Variants in ATP13A3 observed in about 807,000 individuals in gnomAD.
The protein encoded by ATP13A3 is polyamine-transporting ATPase 13A3.
Under a neutral mutation model 158.1 loss-of-function variants are expected in ATP13A3, and 59 were observed. That is an observed-to-expected ratio of 0.37 (90% CI 0.30 to 0.46). The LOEUF is 0.46. Among genes scored for constraint, ATP13A3 ranks in the 20% least tolerant of loss-of-function variants. ATP13A3 has a pLI of 1.00. For synonymous variants in ATP13A3, 491 were observed against 504.3 expected (o/e 0.97, Z 0.35); for missense variants, 1,166 against 1,525.2 (o/e 0.76, Z 3.92).
At chr3:194,460,041 T>C (rs1719534349) in intron 4 of ATP13A3, 70 bp from the exon 5 acceptor site, 2 of 1,266,716 alleles carry the variant, frequency 1.6e-6, no homozygotes, top group Non-Finnish European at 2.2e-6. Context: ...TCATTTATTT[T>C]CCATTCTTTA....
At chr3:194,419,745 C>G in intron 31 of ATP13A3, 134 bp downstream of exon 31, 4 of 1,360,278 alleles carry the variant, frequency 2.9e-6, no homozygotes, top group Non-Finnish European at 3.8e-6. Context: ...TCATTAGGTT[C>G]TTTATTCTCT....
chr3:194,475,279 T>C (rs1467088318), intron 2 of ATP13A3, among the ~76,000 whole-genome samples: 2 of 152,224 alleles, frequency 1.3e-5, no homozygotes, highest in Non-Finnish European at 2.9e-5. Flanking sequence ...CTGTGCAATT[T>C]GAAACAAAGC....
chr3:194,492,980 C>G (rs1453877568), intron 2 of ATP13A3, among the ~76,000 whole-genome samples: 3 of 151,764 alleles, frequency 2.0e-5, no homozygotes, highest in Admixed American at 2.0e-4. Context: ...TCCTTCTCAC[C>G]CGGGCACAGT....
intron 6 of ATP13A3, among the ~76,000 whole-genome samples, chr3:194,457,872 G>A (rs558490647): frequency 2.8e-4 from 40 of 143,538 alleles, no homozygotes; most frequent in African/African-American, 8.9e-4. Flanking sequence ...TGCAACCTCC[G>A]CCTCCTGGGT....
At chr3:194,481,223 GAA>G (rs144534539) in intron 2 of ATP13A3, among the ~76,000 whole-genome samples, 1 of 136,784 alleles carries the variant, frequency 7.3e-6, no homozygotes, top group African/African-American at 2.6e-5. Flanking sequence ...TTCACAAATG[GAA>G]AAAAAAAAAA....
intron 4 of ATP13A3, among the ~76,000 whole-genome samples, chr3:194,460,449 T>A (rs1249550011): frequency 6.6e-6 from 1 of 152,090 alleles, no homozygotes; most frequent in Non-Finnish European, 1.5e-5. Flanking sequence ...AGGAAGGGGG[T>A]GAATCTGATC....
chr3:194,433,631 A>G, intron 21 of ATP13A3, 141 bp downstream of exon 21: 1 of 1,045,884 alleles, frequency 9.6e-7, no homozygotes, highest in Non-Finnish European at 1.3e-6. Flanking sequence ...GCTTGGGAAA[A>G]TATTCAGAGC....
At chr3:194,467,243 T>C (rs1444218322) in intron 2 of ATP13A3, among the ~76,000 whole-genome samples, 1 of 152,244 alleles carries the variant, frequency 6.6e-6, no homozygotes, top group African/African-American at 2.4e-5. Context: ...TTTTTCTCCA[T>C]CTATAGAAGG....
intron 2 of ATP13A3, among the ~76,000 whole-genome samples, chr3:194,479,163 C>T (rs984163734): frequency 6.6e-6 from 1 of 152,120 alleles, no homozygotes; most frequent in African/African-American, 2.4e-5. Flanking sequence ...CTATTCTCTT[C>T]ATCAAACACT....
At chr3:194,409,175 A>C (rs1715169686) in intron 33 of ATP13A3, among the ~76,000 whole-genome samples, 1 of 152,224 alleles carries the variant, frequency 6.6e-6, no homozygotes, top group South Asian at 2.1e-4. Flanking sequence ...GTTTACGCTT[A>C]GCAATGTCTT....
intron 2 of ATP13A3, among the ~76,000 whole-genome samples, chr3:194,468,867 T>C (rs1197494609): frequency 6.6e-6 from 1 of 152,086 alleles, no homozygotes; most frequent in Non-Finnish European, 1.5e-5. Context: ...AGTACTGAAG[T>C]AAAAAACTAA....
Position 194,454,324 on chromosome 3 carries a change from G to A in ATP13A3, c.699C>T (p.Tyr233=). 2 of 1,607,142 alleles carry A rather than the reference G, an allele frequency of 1.2e-6. No individual in the cohort carries two copies. Among genetic ancestry groups the A allele is most frequent in the Non-Finnish European group, 1.7e-6 (2 of 1,173,924 alleles). The stretch of plus-strand genomic sequence containing the variant: ...ACATAACCACAATAGCTAGAGCATA[G>A]TAATAGTATTCATCAGTGCTCCACA... ...VILWSTDEYY[Y]YALAIVVMSI... The change falls in exon 9 of 34, where the codon TAC becomes TAT. Residue 233 remains tyrosine, a synonymous_variant. Transcript: ENST00000645319.
At chr3:194,458,943 T>G (rs1157193107) in intron 6 of ATP13A3, 1 of 152,364 alleles carries the variant, frequency 6.6e-6, no homozygotes, top group Non-Finnish European at 1.5e-5. Context: ...TTAATGAGTA[T>G]TTATAATAAT....
intron 20 of ATP13A3, among the ~76,000 whole-genome samples, chr3:194,434,474 C>A: frequency 6.6e-6 from 1 of 152,176 alleles, no homozygotes; most frequent in Non-Finnish European, 1.5e-5. Context: ...ATGCTAGTCA[C>A]TGGGAGGTTA....
rs542057545 is a variant in ATP13A3 at position 194,403,303 on chromosome 3, A to T, written c.*2616T>A. ...CGAATTTCAGGATTATAAAACTACT[A>T]TAAAAGTATTTATTCTGTTGTTGGC... On this transcript the variant is annotated 3_prime_UTR_variant, in exon 34 of 34. Transcript: ENST00000645319. The T allele has an allele frequency of 5.2e-5, 8 of 152,382 alleles. No individual in the cohort carries two copies. The highest frequency in any genetic ancestry group is 1.9e-4 in the African/African-American group (8 of 41,588). The allele number at this position is 152,382 out of a possible 1,614,324, so 9.4% of individuals were successfully genotyped here. A position where few individuals can be genotyped will look rare whatever the true frequency, so the allele number is the denominator to read the frequency against.
Position 194,450,166 on chromosome 3 carries a change from C to T in ATP13A3, c.949G>A (p.Val317Ile). ...DAVLINGTCI[V>I]NESMLTGESV... ...TTACCTGTTAACATGCTTTCGTTTA[C>T]AATGCAGGTACCATTAATAAGCACA... Residue 317 changes from valine (V) to isoleucine (I), a missense_variant, in exon 11 of 34, where the codon GTA becomes ATA. Val to Ile is a conservative substitution (Grantham distance 29, BLOSUM62 3). Around this residue, in one of 3 missense-constraint regions of ATP13A3, gnomAD observed 997 missense variants for 1,341.2 expected, o/e 0.74. Coordinates refer to ENST00000645319, the MANE Select transcript of ATP13A3 (RefSeq NM_001367549.1). 6.2e-7 allele frequency: 1 copy of T among 1,613,846 alleles called. No individual in the cohort carries two copies. Among genetic ancestry groups the T allele is most frequent in the Non-Finnish European group, 8.5e-7 (1 of 1,179,874 alleles).
At position 194,447,119 on chromosome 3, in the gene ATP13A3, C is replaced by T. The variant is rs751794036; in HGVS notation, c.1309-4G>A. 8.8e-6 allele frequency: 14 copies of T among 1,591,450 alleles called. No individual in the cohort carries two copies. The South Asian group carries it at 1.5e-4, about 17-fold the overall frequency. The stretch of plus-strand genomic sequence containing the variant: ...TAATTATGACCCCAACTTGTACCTA[C>T]AATTAACACAAAAATAAATGTCAAA... On this transcript the variant is annotated splice_region_variant and splice_polypyrimidine_tract_variant and intron_variant, in intron 13 of 33. Transcript: ENST00000645319.
chr3:194,471,264 C>T (rs1720288141), intron 2 of ATP13A3, among the ~76,000 whole-genome samples: 1 of 143,468 alleles, frequency 7.0e-6, no homozygotes, highest in South Asian at 2.2e-4. Context: ...ATCTCCTCTA[C>T]ATTTTGGCCC....
intron 2 of ATP13A3, among the ~76,000 whole-genome samples, chr3:194,463,140 A>T (rs970554685): frequency 3.3e-5 from 5 of 152,190 alleles, no homozygotes; most frequent in African/African-American, 1.2e-4. Context: ...CCAAAAGTCA[A>T]TCGCTATGGC....
Sources: allele counts gnomAD v4.1 joint callset (sites outside exome capture counted in the v4.1 genomes callset), GRCh38; gene constraint gnomAD v4.1.1; regional missense constraint gnomAD v4.1.1; transcripts MANE v1.5; gene names NCBI Gene and HGNC (gene_info 2026-07-23, HGNC 2026-07-21).